Variants in NELL1 observed in about 807,000 individuals in gnomAD.
The protein encoded by NELL1 is protein kinase C-binding protein NELL1.
In NELL1, 76 loss-of-function variants were observed where a neutral mutation model predicts 107.4. The observed-to-expected ratio is 0.71, with a 90% confidence interval of 0.59 to 0.86. NELL1 has a LOEUF of 0.86. Ranked by LOEUF, NELL1 falls within the 40% of genes least tolerant of loss-of-function variation. The probability of loss-of-function intolerance (pLI) is 0.00; values close to 1 mark genes in which losing one functional copy is unlikely to be tolerated. For missense variants in NELL1, 1,024 were observed against 1,005.5 expected, an observed-to-expected ratio of 1.02 and a Z score of -0.25; for synonymous variants, 353 against 341.2, an observed-to-expected ratio of 1.03 and a Z score of -0.38.
chr11:21,427,834 T>G (rs764152244), intron 15 of NELL1, among the ~76,000 whole-genome samples: 39 of 152,164 alleles, frequency 2.6e-4, no homozygotes, highest in Non-Finnish European at 2.2e-4. Flanking sequence ...ACTCCTAACC[T>G]AATAGACTTT....
intron 9 of NELL1, among the ~76,000 whole-genome samples, chr11:20,934,947 T>G (rs1367444364): frequency 6.6e-6 from 1 of 152,238 alleles, no homozygotes; most frequent in Non-Finnish European, 1.5e-5. Flanking sequence ...ATTATATTAA[T>G]TCTCCATTTT....
rs200227902 is a variant in NELL1, at chr11:20,885,468, T to A, written c.531T>A (p.Pro177=). 1 of 1,612,824 alleles carries A rather than the reference T, an allele frequency of 6.2e-7. No homozygotes were observed. Among genetic ancestry groups the A allele is most frequent in the East Asian group, 2.2e-5 (1 of 44,874 alleles). The change falls in exon 5 of 20, where the codon CCT becomes CCA. Residue 177 remains proline (P), a synonymous_variant. Coordinates refer to ENST00000357134, the MANE Select transcript of NELL1 (RefSeq NM_006157.5). ...GGATTTATGAGCGTGTGATAGACCC[T>A]CCAGATACCAACCTTCCCCCAGGAA... is the stretch of plus-strand genomic sequence containing the variant. The part of the protein sequence containing the change: ...CNRIYERVID[P]PDTNLPPGIN...
At chr11:21,121,090 A>G (rs1855357052) in intron 13 of NELL1, among the ~76,000 whole-genome samples, 1 of 152,148 alleles carries the variant, frequency 6.6e-6, no homozygotes, top group Non-Finnish European at 1.5e-5. Context: ...GTTGGGACCC[A>G]GCTTTGGTGG....
chr11:21,315,702 T>C (rs1437124554), intron 14 of NELL1, among the ~76,000 whole-genome samples: 1 of 152,210 alleles, frequency 6.6e-6, no homozygotes, highest in African/African-American at 2.4e-5. Context: ...CTTGTGATTG[T>C]TTCCCCTGCA....
intron 12 of NELL1, among the ~76,000 whole-genome samples, chr11:20,977,295 C>T (rs1205828513): frequency 8.8e-5 from 13 of 147,110 alleles, no homozygotes; most frequent in Non-Finnish European, 1.5e-4. Flanking sequence ...GACAGAGTCT[C>T]GCTCTGTCAC....
At chr11:21,081,331 T>G (rs1854264171) in intron 12 of NELL1, among the ~76,000 whole-genome samples, 1 of 152,182 alleles carries the variant, frequency 6.6e-6, no homozygotes, top group Non-Finnish European at 1.5e-5. Flanking sequence ...TCCTGTTCTA[T>G]CTAAACTAAA....
intron 3 of NELL1, among the ~76,000 whole-genome samples, chr11:20,827,950 C>T (rs997219393): frequency 7.9e-5 from 12 of 151,238 alleles, no homozygotes; most frequent in African/African-American, 2.9e-4. Context: ...CCGCTGTTGA[C>T]TCTATGCTAC....
chr11:20,962,894 C>A lies in NELL1; in HGVS notation c.1300+2334C>A, dbSNP rs543186962. Among the ~76,000 whole-genome samples the A allele has an allele frequency of 7.2e-5, 11 of 152,182 alleles. No homozygotes were observed. In the South Asian group the frequency reaches 1.2e-3, roughly 17 times the overall value. ...GTGTTCTTGGAGAGAAGGATAGCACCTAAGGAGAAATGGCTAAACATTGGA... is the reference window on the plus strand; with the variant it reads ...GTGTTCTTGGAGAGAAGGATAGCACATAAGGAGAAATGGCTAAACATTGGA... On this transcript the variant is annotated intron_variant, in intron 12 of 19. Transcript: ENST00000357134.
chr11:21,127,745 T>A (rs1855519653), intron 13 of NELL1, among the ~76,000 whole-genome samples: 1 of 152,230 alleles, frequency 6.6e-6, no homozygotes, highest in South Asian at 2.1e-4. Context: ...ATTTGTAGTC[T>A]ACATTGTGGA....
At chr11:21,275,470 T>G (rs985153912) in intron 14 of NELL1, among the ~76,000 whole-genome samples, 13 of 152,052 alleles carry the variant, frequency 8.5e-5, no homozygotes, top group African/African-American at 3.1e-4. Flanking sequence ...CTACCAGAGG[T>G]ACAAGGAGGA....
chr11:21,149,385 G>T (rs1856061939), intron 13 of NELL1, among the ~76,000 whole-genome samples: 1 of 152,196 alleles, frequency 6.6e-6, no homozygotes, highest in Admixed American at 6.5e-5. Flanking sequence ...ATGTGGCTGG[G>T]GAGGCCTCAC....
At position 20,975,598 on chromosome 11, in the gene NELL1, T is replaced by C. The variant is rs545428633; in HGVS notation, c.1300+15038T>C. Among the ~76,000 whole-genome samples the C allele has an allele frequency of 5.2e-3, 748 of 144,010 alleles. 34 individuals are homozygous for C. The highest frequency in any genetic ancestry group is 0.018 in the African/African-American group (706 of 39,254). 94.5% of individuals were successfully genotyped at this position (144,010 alleles called of 152,430 possible). ...ATTATATACACATATGTAGATATAA[T>C]GTATTATATATACACATATGTAGAT... On this transcript the variant is annotated intron_variant, in intron 12 of 19. Coordinates refer to ENST00000357134, the MANE Select transcript of NELL1 (RefSeq NM_006157.5).
intron 5 of NELL1, among the ~76,000 whole-genome samples, chr11:20,898,605 G>A (rs905849648): frequency 2.1e-4 from 31 of 150,740 alleles, no homozygotes; most frequent in Admixed American, 1.3e-3. Flanking sequence ...CCACATCCAC[G>A]TCAACATCTA....
chr11:21,512,695 C>T (rs146039119), intron 15 of NELL1, among the ~76,000 whole-genome samples: 2 of 151,910 alleles, frequency 1.3e-5, no homozygotes, highest in Non-Finnish European at 2.9e-5. Context: ...GATCGATTAT[C>T]TTTATTTCAA....
At chr11:20,757,789 T>C (rs757774607) in intron 2 of NELL1, among the ~76,000 whole-genome samples, 1 of 152,204 alleles carries the variant, frequency 6.6e-6, no homozygotes, top group South Asian at 2.1e-4. Flanking sequence ...TTGAGAGCCA[T>C]GTTCTCCTTT....
intron 16 of NELL1, among the ~76,000 whole-genome samples, chr11:21,545,477 A>T (rs886744344): frequency 6.6e-6 from 1 of 151,950 alleles, no homozygotes; most frequent in Non-Finnish European, 1.5e-5. Flanking sequence ...GAGTTGGGTA[A>T]TACACAAGGA....
intron 15 of NELL1, among the ~76,000 whole-genome samples, chr11:21,530,536 T>C (rs1474105892): frequency 1.3e-5 from 2 of 152,102 alleles, no homozygotes; most frequent in Non-Finnish European, 2.9e-5. Flanking sequence ...GAAAAATTCA[T>C]GGCACACGTA....
intron 14 of NELL1, among the ~76,000 whole-genome samples, chr11:21,255,124 T>C (rs761617129): frequency 1.6e-4 from 25 of 152,026 alleles, no homozygotes; most frequent in Non-Finnish European, 2.9e-4. Flanking sequence ...AGAATATCCT[T>C]AACCCTGGGT....
At chr11:21,056,968 G>T (rs937187979) in intron 12 of NELL1, among the ~76,000 whole-genome samples, 3 of 145,076 alleles carry the variant, frequency 2.1e-5, no homozygotes, top group African/African-American at 7.4e-5. Context: ...AAAATATTTG[G>T]GTAGCAAAAA....
Sources: gnomAD v4.1 joint callset for allele counts (sites outside exome capture counted in the v4.1 genomes callset) on GRCh38, gnomAD v4.1.1 for gene constraint, MANE v1.5 for transcripts, NCBI Gene and HGNC (gene_info 2026-07-23, HGNC 2026-07-21) for gene names.